SPATA16: variants seen among roughly 807,000 people sequenced by gnomAD.
SPATA16 encodes spermatogenesis associated 16.
A neutral mutation model predicts 63.3 loss-of-function variants in SPATA16; 36 were observed. The ratio of observed to expected loss-of-function variants is 0.57; its 90% CI spans 0.44 to 0.75. The LOEUF (loss-of-function observed/expected upper bound fraction) is 0.75, where lower values mean the gene tolerates loss of function less well. Ranked by LOEUF, SPATA16 falls within the 30% of genes least tolerant of loss-of-function variation. The probability of loss-of-function intolerance (pLI) is 0.00; values close to 1 mark genes in which losing one functional copy is unlikely to be tolerated. For missense variants in SPATA16, 646 were observed against 679.3 expected, an observed-to-expected ratio of 0.95 and a Z score of 0.54; for synonymous variants, 203 against 216.7, an observed-to-expected ratio of 0.94 and a Z score of 0.56.
Position 173,117,172 on chromosome 3 carries a change from T to C in SPATA16, c.560A>G (p.Tyr187Cys), listed in dbSNP as rs1442014024. ...QVALKDASSC[Y>C]RQKKYALAAG... ...TGCCAAGGCGTATTTCTTTTGTCTA[T>C]AGCAAGAGCTGGCATCCTTTAAGGC... The change falls in exon 2 of 11, where the codon TAT (tyrosine) becomes TGT (cysteine). Residue 187 changes from tyrosine (Y) to cysteine (C), a missense_variant. By Grantham distance (194) the Tyr-to-Cys change is radical (BLOSUM62 -2). Transcript: ENST00000351008. The C allele has an allele frequency of 6.2e-7, 1 of 1,614,162 alleles. No individual in the cohort carries two copies. Among genetic ancestry groups the C allele is most frequent in the South Asian group, 1.1e-5 (1 of 91,084 alleles).
intron 2 of SPATA16, among the ~76,000 whole-genome samples, chr3:173,093,891 A>G (rs73177039): frequency 0.17 from 25,948 of 151,888 alleles, 2,376 homozygotes; most frequent in South Asian, 0.24. Context: ...AATAAATTCC[A>G]TTTCTCTTTT....
chr3:173,001,702 A>G (rs1172765206), intron 4 of SPATA16, among the ~76,000 whole-genome samples: 1 of 152,098 alleles, frequency 6.6e-6, no homozygotes, highest in African/African-American at 2.4e-5. Context: ...TCAGTAAGCT[A>G]TTATTCTTTG....
At chr3:172,935,707 G>T (rs1181196196) in intron 6 of SPATA16, among the ~76,000 whole-genome samples, 2 of 152,138 alleles carry the variant, frequency 1.3e-5, no homozygotes, top group Non-Finnish European at 2.9e-5. Context: ...TAAAATGATA[G>T]AGATAAAAAT....
chr3:173,113,431 T>A (rs940728939), intron 2 of SPATA16, among the ~76,000 whole-genome samples: 2 of 152,178 alleles, frequency 1.3e-5, no homozygotes, highest in African/African-American at 4.8e-5. Flanking sequence ...ACATAACTGG[T>A]TCACCTTTAT....
At chr3:172,906,411 A>G (rs1326350348) in intron 10 of SPATA16, among the ~76,000 whole-genome samples, 1 of 152,234 alleles carries the variant, frequency 6.6e-6, no homozygotes, top group Non-Finnish European at 1.5e-5. Context: ...CTATACAAGT[A>G]AGTTACAGAG....
intron 1 of SPATA16, among the ~76,000 whole-genome samples, chr3:173,121,688 A>G (rs905495324): frequency 6.6e-6 from 1 of 152,242 alleles, no homozygotes; most frequent in Non-Finnish European, 1.5e-5. Flanking sequence ...GTTGATCAAT[A>G]TGAATGCTGT....
At chr3:172,891,563 C>A (rs1731896512) in intron 10 of SPATA16, among the ~76,000 whole-genome samples, 1 of 152,188 alleles carries the variant, frequency 6.6e-6, no homozygotes, top group Admixed American at 6.5e-5. Context: ...GATCTCACAT[C>A]TTTCCCTTGC....
At chr3:173,025,233 C>T (rs575450769) in intron 3 of SPATA16, among the ~76,000 whole-genome samples, 168 of 151,604 alleles carry the variant, frequency 1.1e-3, no homozygotes, top group African/African-American at 3.8e-3. Context: ...TAGTCTGAAA[C>T]CACTGGAGAT....
chr3:173,011,381 T>G (rs1237753791), intron 4 of SPATA16, among the ~76,000 whole-genome samples: 2 of 152,110 alleles, frequency 1.3e-5, no homozygotes, highest in African/African-American at 4.8e-5. Context: ...ACAAAAACCC[T>G]CAGCAAACTA....
intron 2 of SPATA16, among the ~76,000 whole-genome samples, chr3:173,074,252 TCTTGGGAAGG>T (rs1736736279): frequency 6.6e-6 from 1 of 152,172 alleles, no homozygotes; most frequent in African/African-American, 2.4e-5. Context: ...TTTGGGGGAC[TCTTGGGAAGG>T]CATGATTGGT....
intron 3 of SPATA16, among the ~76,000 whole-genome samples, chr3:173,023,559 T>C (rs1226816551): frequency 2.6e-5 from 4 of 151,970 alleles, no homozygotes; most frequent in Non-Finnish European, 5.9e-5. Context: ...CATTTGGTGA[T>C]TTTTATTGGT....
chr3:173,095,796 T>C (rs1737337023), intron 2 of SPATA16, among the ~76,000 whole-genome samples: 1 of 152,184 alleles, frequency 6.6e-6, no homozygotes, highest in South Asian at 2.1e-4. Context: ...TTAATAGAAC[T>C]GTGCTACCAC....
At position 172,889,654 on chromosome 3, in the gene SPATA16, G is replaced by A. The variant is rs773270642; in HGVS notation, c.1626C>T (p.Asp542=). The change falls in exon 11 of 11, where the codon GAC becomes GAT. Residue 542 remains aspartate, a synonymous_variant. Coordinates refer to ENST00000351008, the MANE Select transcript of SPATA16 (RefSeq NM_031955.6). ...QIEDFLYQLE[D]SFLKTKKLRT... ...TCAGTTTTTTAGTTTTTAAGAAACT[G>A]TCCTCTAATTGGTATAGAAAATCTT... 36 of 1,613,486 alleles carry A rather than the reference G, an allele frequency of 2.2e-5. No individual in the cohort carries two copies. In the Admixed American group the frequency reaches 6.0e-4, roughly 27 times the overall value.
At chr3:173,048,629 T>A (rs997487658) in intron 3 of SPATA16, among the ~76,000 whole-genome samples, 6 of 152,192 alleles carry the variant, frequency 3.9e-5, no homozygotes, top group African/African-American at 1.4e-4. Flanking sequence ...ATTTCGACAA[T>A]CCCTCTTACG....
At chr3:172,945,656 C>T (rs1468616933) in intron 6 of SPATA16, among the ~76,000 whole-genome samples, 1 of 152,120 alleles carries the variant, frequency 6.6e-6, no homozygotes, top group Non-Finnish European at 1.5e-5. Context: ...AACATGGGGG[C>T]AGAACCCAGT....
At chr3:172,893,157 TTA>T in intron 10 of SPATA16, among the ~76,000 whole-genome samples, 1 of 152,322 alleles carries the variant, frequency 6.6e-6, no homozygotes, top group South Asian at 2.1e-4. Context: ...CCCTCTAAAT[TTA>T]TATGTTAAAG....
rs758246629 is a variant in SPATA16 at position 173,019,568 on chromosome 3, C to G, written c.766G>C (p.Val256Leu). 6.2e-7 allele frequency: 1 copy of G among 1,613,888 alleles called. No homozygotes were observed. The highest frequency in any genetic ancestry group is 1.1e-5 in the South Asian group (1 of 91,078). The change falls in exon 4 of 11, where the codon GTT becomes CTT. Residue 256 changes from valine to leucine, a missense_variant. Physicochemically the swap from Val to Leu is conservative, Grantham distance 32 (BLOSUM62 1). Coordinates refer to ENST00000351008, the MANE Select transcript of SPATA16 (RefSeq NM_031955.6). The part of the protein sequence containing the change: ...LALNHAHRSI[V>L]LNPAYFRNHL... The stretch of plus-strand genomic sequence containing the variant: ...TTCCGGAAATAGGCTGGGTTTAAAA[C>G]AATGCTCCTGTAAAAAGGTAAAAGA...
chr3:172,975,714 T>C (rs1367559730), intron 5 of SPATA16, among the ~76,000 whole-genome samples: 1 of 152,154 alleles, frequency 6.6e-6, no homozygotes. Flanking sequence ...AACATTTGTT[T>C]TTTCATTTTA....
At chr3:172,910,681 A>G (rs901087758) in intron 10 of SPATA16, among the ~76,000 whole-genome samples, 2 of 152,156 alleles carry the variant, frequency 1.3e-5, no homozygotes, top group African/African-American at 2.4e-5. Flanking sequence ...TCTATCTCTA[A>G]TTCCTCTTGC....
Sources: gnomAD v4.1 joint callset for allele counts (sites outside exome capture counted in the v4.1 genomes callset) on GRCh38, gnomAD v4.1.1 for gene constraint, MANE v1.5 for transcripts, NCBI Gene and HGNC (gene_info 2026-07-23, HGNC 2026-07-21) for gene names.